Variants in SAXO2 observed in about 807,000 individuals in gnomAD.
SAXO2 encodes the protein family with sequence similarity 154, member B.
Under a neutral mutation model 18.7 loss-of-function variants are expected in SAXO2, and 17 were observed. The observed-to-expected ratio is 0.91, with a 90% CI of 0.62 to 1.36. SAXO2 has a LOEUF of 1.36. Ranked by LOEUF, SAXO2 falls within the 40% of genes most tolerant of loss-of-function variation. SAXO2 has a pLI of 0.00. For synonymous variants in SAXO2, 163 were observed against 181.2 expected, an observed-to-expected ratio of 0.90 and a Z score of 0.81; for missense variants, 486 against 562.6, an observed-to-expected ratio of 0.86 and a Z score of 1.38.
chr15:82,275,846 C>T (rs1286861680), intron 3 of SAXO2, among the ~76,000 whole-genome samples: 1 of 152,156 alleles, frequency 6.6e-6, no homozygotes, highest in Non-Finnish European at 1.5e-5. Flanking sequence ...AAACCGGAAG[C>T]ATTCCCTTTG....
At chr15:82,264,368 ATT>A (rs112443463) in intron 1 of SAXO2, among the ~76,000 whole-genome samples, 21 of 142,334 alleles carry the variant, frequency 1.5e-4, no homozygotes, top group Admixed American at 1.4e-4. Context: ...GCCTGCATTG[ATT>A]TTTTTTTTTT....
At chr15:82,274,319 G>T (rs2075296636) in intron 3 of SAXO2, among the ~76,000 whole-genome samples, 1 of 152,006 alleles carries the variant, frequency 6.6e-6, no homozygotes, top group Non-Finnish European at 1.5e-5. Flanking sequence ...TTTCAGGCAT[G>T]AGACAACAAA....
At chr15:82,267,022 C>T (rs1395441966) in intron 2 of SAXO2, among the ~76,000 whole-genome samples, 2 of 152,212 alleles carry the variant, frequency 1.3e-5, no homozygotes, top group Admixed American at 1.3e-4. Flanking sequence ...AATGTATGTG[C>T]TGTATTCAAG....
chr15:82,277,822 T>G (rs1036991684), intron 3 of SAXO2, among the ~76,000 whole-genome samples: 28 of 152,254 alleles, frequency 1.8e-4, no homozygotes, highest in African/African-American at 6.7e-4. Context: ...TGCTAAAGAC[T>G]TGAGTATGAG....
chr15:82,282,208 A>C lies in SAXO2; in HGVS notation c.523A>C (p.Thr175Pro). 6.2e-7 allele frequency: 1 copy of C among 1,614,146 alleles called. No individual in the cohort carries two copies. Among genetic ancestry groups the C allele is most frequent in the Non-Finnish European group, 8.5e-7 (1 of 1,179,962 alleles). The change falls in exon 4 of 4, where the codon ACT becomes CCT. Residue 175 changes from threonine to proline, a missense_variant. Transcript: ENST00000682753. Reference protein sequence around the residue: ...HPPTVKFGNSTTFQDDFVPQE... With the variant: ...HPPTVKFGNSPTFQDDFVPQE... ...GCCTACTGTGAAATTTGGAAATTCAACTACATTTCAGGATGATTTTGTTCC... is the reference window on the plus strand; with the variant it reads ...GCCTACTGTGAAATTTGGAAATTCACCTACATTTCAGGATGATTTTGTTCC...
chr15:82,275,281 CAAAAAAAAAAAAA>C (rs756023248), intron 3 of SAXO2, among the ~76,000 whole-genome samples: 15 of 45,910 alleles, frequency 3.3e-4, no homozygotes, highest in African/African-American at 1.0e-3. Context: ...ACCTATCAAC[CAAAAAAAAAAAAA>C]AAAAAAAAAA....
intron 3 of SAXO2, among the ~76,000 whole-genome samples, chr15:82,274,374 G>A (rs1047583455): frequency 6.6e-6 from 1 of 152,014 alleles, no homozygotes; most frequent in South Asian, 2.1e-4. Context: ...GTATGAATGT[G>A]CTGCAGGTTT....
chr15:82,282,158 A>G lies in SAXO2; in HGVS notation c.473A>G (p.Tyr158Cys), dbSNP rs2075366781. Residue 158 changes from tyrosine to cysteine, a missense_variant, in exon 4 of 4, where the codon TAT (tyrosine) becomes TGT (cysteine). By Grantham distance (194) the Tyr-to-Cys change is radical. Transcript: ENST00000682753. ...TGGGACCTTCATAAAAGTGAACTTT[A>G]TAAGCCAGAACAAACTTACCACCCG... ...RAWDLHKSEL[Y>C]KPEQTYHPPT... 3 of 1,613,872 alleles carry G rather than the reference A, an allele frequency of 1.9e-6. No homozygotes were observed. The highest frequency in any genetic ancestry group is 2.2e-5 in the East Asian group (1 of 44,890).
intron 3 of SAXO2, among the ~76,000 whole-genome samples, chr15:82,278,659 TA>T (rs906646226): frequency 4.0e-5 from 6 of 151,876 alleles, no homozygotes; most frequent in Non-Finnish European, 7.4e-5. Flanking sequence ...TTCAGAGTCA[TA>T]AAAAAAACCT....
At chr15:82,279,894 C>A (rs1003356133) in intron 3 of SAXO2, among the ~76,000 whole-genome samples, 1 of 152,164 alleles carries the variant, frequency 6.6e-6, no homozygotes, top group African/African-American at 2.4e-5. Flanking sequence ...GGACTTAAAC[C>A]TGTTCAGAAG....
At chr15:82,265,172 G>A (rs2141358830) in intron 1 of SAXO2, among the ~76,000 whole-genome samples, 1 of 152,224 alleles carries the variant, frequency 6.6e-6, no homozygotes, top group South Asian at 2.1e-4. Flanking sequence ...ACAGAGCCTT[G>A]TTCTGTCACC....
intron 2 of SAXO2, 81 bp downstream of exon 2, chr15:82,265,829 T>C: frequency 8.9e-7 from 1 of 1,129,884 alleles, no homozygotes; most frequent in Non-Finnish European, 1.2e-6. Context: ...GCTATTTAAA[T>C]TGAACTGTTC....
At chr15:82,271,222 T>G (rs1245021148) in intron 2 of SAXO2, among the ~76,000 whole-genome samples, 1 of 152,182 alleles carries the variant, frequency 6.6e-6, no homozygotes, top group East Asian at 1.9e-4. Context: ...TTTGACAAAG[T>G]GGACTCAGGG....
intron 3 of SAXO2, among the ~76,000 whole-genome samples, chr15:82,275,689 C>T (rs936106912): frequency 6.6e-6 from 1 of 152,168 alleles, no homozygotes; most frequent in African/African-American, 2.4e-5. Context: ...ATGATCATCT[C>T]AGTAGATGCA....
At position 82,265,673 on chromosome 15, in the gene SAXO2, T is replaced by G; in HGVS notation, c.158T>G (p.Leu53Arg). ...LEKYPMYDNV[L>R]PPQSLKAKQE... ...AAATATCCTATGTATGACAATGTTC[T>G]TCCACCTCAGAGTCTTAAAGCCAAG... Residue 53 changes from leucine (L) to arginine (R), a missense_variant, in exon 2 of 4, where the codon CTT becomes CGT. Transcript: ENST00000682753. 1 of 1,520,986 alleles carries G rather than the reference T, an allele frequency of 6.6e-7. No homozygotes were observed. Among genetic ancestry groups the G allele is most frequent in the Non-Finnish European group, 8.8e-7 (1 of 1,141,392 alleles). The allele number at this position is 1,520,986 out of a possible 1,614,324, so 94.2% of individuals were successfully genotyped here. A position where few individuals can be genotyped will look rare whatever the true frequency, so the allele number is the denominator to read the frequency against.
chr15:82,273,901 C>G (rs143587934), intron 3 of SAXO2, among the ~76,000 whole-genome samples: 1 of 151,884 alleles, frequency 6.6e-6, no homozygotes, highest in Non-Finnish European at 1.5e-5. Context: ...CCACGCCTGG[C>G]TAATTTTTGT....
At chr15:82,277,251 T>C (rs2075323265) in intron 3 of SAXO2, among the ~76,000 whole-genome samples, 2 of 152,094 alleles carry the variant, frequency 1.3e-5, no homozygotes, top group Admixed American at 1.3e-4. Context: ...CAAAAGCAAA[T>C]AGCAATACAA....
At chr15:82,264,807 C>A in intron 1 of SAXO2, 1 of 694,482 alleles carries the variant, frequency 1.4e-6, no homozygotes, top group Non-Finnish European at 2.6e-6. Context: ...AATCAAGATG[C>A]CGCCTAACAA....
chr15:82,270,957 T>C (rs1226025135), intron 2 of SAXO2, among the ~76,000 whole-genome samples: 1 of 152,228 alleles, frequency 6.6e-6, no homozygotes, highest in East Asian at 1.9e-4. Context: ...CCTCAGTGTC[T>C]GCAGTACTAC....
Sources: gnomAD v4.1 joint callset for allele counts (sites outside exome capture counted in the v4.1 genomes callset) on GRCh38, gnomAD v4.1.1 for gene constraint, MANE v1.5 for transcripts, NCBI Gene and HGNC (gene_info 2026-07-23, HGNC 2026-07-21) for gene names.